IFT57: variants seen among roughly 807,000 people sequenced by gnomAD.
IFT57 encodes the protein intraflagellar transport 57.
Under a neutral mutation model 56.8 loss-of-function variants are expected in IFT57, and 59 were observed. That is an observed-to-expected ratio of 1.04 (90% CI 0.84 to 1.29). IFT57 has a LOEUF of 1.29. Ranked by LOEUF, IFT57 falls within the 50% of genes most tolerant of loss-of-function variation. The pLI is 0.00. For synonymous variants in IFT57, 209 were observed against 186.1 expected, an observed-to-expected ratio of 1.12 and a Z score of -1.00; for missense variants, 470 against 522.1, an observed-to-expected ratio of 0.90 and a Z score of 0.97.
At chr3:108,181,630 CA>C (rs2080151546) in intron 6 of IFT57, among the ~76,000 whole-genome samples, 1 of 152,078 alleles carries the variant, frequency 6.6e-6, no homozygotes, top group Non-Finnish European at 1.5e-5. Flanking sequence ...TTGATTATAG[CA>C]GGTGTTTCAA....
chr3:108,162,854 G>A (rs9860418), intron 10 of IFT57, among the ~76,000 whole-genome samples, 199 bp from the exon 11 acceptor site: 14,617 of 152,082 alleles, frequency 0.096, 752 homozygotes, highest in Middle Eastern at 0.12. Context: ...ATGATGTAGT[G>A]TTTGATGTAT....
intron 6 of IFT57, among the ~76,000 whole-genome samples, chr3:108,172,332 G>C (rs1185765358): frequency 6.6e-6 from 1 of 151,850 alleles, no homozygotes; most frequent in Non-Finnish European, 1.5e-5. Flanking sequence ...GATGGGCTGG[G>C]GAGGATGGAT....
At position 108,162,413 on chromosome 3, in the gene IFT57, GC is replaced by G. The variant is rs1159950885; in HGVS notation, c.*63del. Reference sequence around the variant, plus strand: ...CATAAAATTATGTTTTGAAATCTATGCAACATGAAATATAGTTTGATATAAA... The same window carrying G: ...CATAAAATTATGTTTTGAAATCTATGAACATGAAATATAGTTTGATATAAA... On this transcript the variant is annotated 3_prime_UTR_variant, in exon 11 of 11. Transcript: ENST00000264538. 1 of 1,308,120 alleles carries G rather than the reference GC, an allele frequency of 7.6e-7. No homozygotes were observed. The highest frequency in any genetic ancestry group is 1.5e-5 in the African/African-American group (1 of 67,436). 81.0% of individuals were successfully genotyped at this position (1,308,120 alleles called of 1,614,324 possible). A position where few individuals can be genotyped will look rare whatever the true frequency, so the allele number is the denominator to read the frequency against.
intron 5 of IFT57, among the ~76,000 whole-genome samples, chr3:108,206,083 AAAT>A (rs2080311391): frequency 7.6e-6 from 1 of 132,246 alleles, no homozygotes; most frequent in Non-Finnish European, 1.6e-5. Context: ...TATTATATAT[AAAT>A]AATATATATT....
At chr3:108,169,265 TG>T (rs1389964878) in intron 6 of IFT57, among the ~76,000 whole-genome samples, 1 of 152,092 alleles carries the variant, frequency 6.6e-6, no homozygotes, top group African/African-American at 2.4e-5. Flanking sequence ...TTTTATCATA[TG>T]TTTTTTGGCC....
Position 108,222,371 on chromosome 3 carries a change from G to A in IFT57, c.-49C>T, listed in dbSNP as rs759730218. The A allele has an allele frequency of 2.0e-6, 3 of 1,518,990 alleles. No homozygotes were observed. Among genetic ancestry groups the A allele is most frequent in the South Asian group, 1.3e-5 (1 of 77,378 alleles). 94.1% of individuals were successfully genotyped at this position (1,518,990 alleles called of 1,614,324 possible). A position where few individuals can be genotyped will look rare whatever the true frequency, so the allele number is the denominator to read the frequency against. ...TGGGCTCAGGCCCACAGACCTCTGCGGCCTAAGCCGCCAGCCCTGCCGCCG... is the reference window on the plus strand; with the variant it reads ...TGGGCTCAGGCCCACAGACCTCTGCAGCCTAAGCCGCCAGCCCTGCCGCCG... On this transcript the variant is annotated 5_prime_UTR_variant, in exon 1 of 11. Transcript: ENST00000264538.
intron 6 of IFT57, among the ~76,000 whole-genome samples, chr3:108,172,720 G>A (rs2080101406): frequency 6.6e-6 from 1 of 151,872 alleles, no homozygotes; most frequent in South Asian, 2.1e-4. Context: ...AAGTGAAGGT[G>A]GGGTAGTAGA....
At chr3:108,215,341 T>C (rs1319840535) in intron 3 of IFT57, among the ~76,000 whole-genome samples, 74 of 152,062 alleles carry the variant, frequency 4.9e-4, no homozygotes, top group Admixed American at 4.8e-3. Context: ...GCAGGTGGAC[T>C]GTCTGAGACC....
intron 10 of IFT57, among the ~76,000 whole-genome samples, chr3:108,163,179 A>G (rs984514116): frequency 6.6e-6 from 1 of 152,148 alleles, no homozygotes; most frequent in Non-Finnish European, 1.5e-5. Context: ...ACCTGCTCAC[A>G]ATGGAGGATG....
At chr3:108,218,384 T>C (rs1289761) in intron 3 of IFT57, 151 bp downstream of exon 3, 364,293 of 458,052 alleles carry the variant, frequency 0.8, 149,468 homozygotes, top group Non-Finnish European at 0.87. Flanking sequence ...TCTAATTTTG[T>C]CTATACTGGC....
intron 4 of IFT57, among the ~76,000 whole-genome samples, chr3:108,207,148 T>C (rs1440211429): frequency 6.6e-6 from 1 of 152,176 alleles, no homozygotes; most frequent in Non-Finnish European, 1.5e-5. Flanking sequence ...ACCAATCACA[T>C]TGATACATAT....
At chr3:108,201,701 T>C (rs1457974614) in intron 5 of IFT57, among the ~76,000 whole-genome samples, 2 of 152,174 alleles carry the variant, frequency 1.3e-5, no homozygotes, top group Admixed American at 6.5e-5. Flanking sequence ...GAACAGTTTT[T>C]TCTCCTAGAT....
intron 5 of IFT57, among the ~76,000 whole-genome samples, chr3:108,205,128 C>T (rs147911940): frequency 6.6e-6 from 1 of 152,064 alleles, no homozygotes; most frequent in Non-Finnish European, 1.5e-5. Flanking sequence ...TAGCTATCTC[C>T]GTTATCAAGG....
At chr3:108,173,766 C>CTGTGTGTGTGTGTGTGTGTGTG (rs59233165) in intron 6 of IFT57, among the ~76,000 whole-genome samples, 12 of 124,670 alleles carry the variant, frequency 9.6e-5, no homozygotes, top group Non-Finnish European at 1.2e-4. Flanking sequence ...GTCAGGGACT[C>CTGTGTGTGTGTGTGTGTGTGTG]TGTGTGTGTG....
At chr3:108,215,597 T>A (rs1236402892) in intron 3 of IFT57, among the ~76,000 whole-genome samples, 1 of 151,826 alleles carries the variant, frequency 6.6e-6, no homozygotes, top group Non-Finnish European at 1.5e-5. Flanking sequence ...CATTTACTAA[T>A]ATGCAAAATA....
chr3:108,187,670 G>A (rs1325719957), intron 6 of IFT57, among the ~76,000 whole-genome samples: 1 of 149,748 alleles, frequency 6.7e-6, no homozygotes, highest in East Asian at 2.0e-4. Context: ...AGAGAAAAAC[G>A]CAAAACACAT....
intron 4 of IFT57, among the ~76,000 whole-genome samples, chr3:108,212,956 C>G (rs1560127043): frequency 6.6e-6 from 1 of 152,080 alleles, no homozygotes; most frequent in Non-Finnish European, 1.5e-5. Flanking sequence ...CAAGACCAAC[C>G]CTTCCTCTTG....
At chr3:108,191,430 T>C in intron 6 of IFT57, 91 bp downstream of exon 6, 1 of 829,094 alleles carries the variant, frequency 1.2e-6, no homozygotes, top group Admixed American at 3.0e-5. Flanking sequence ...TGCCCTTCTT[T>C]AATAATTTTT....
intron 6 of IFT57, among the ~76,000 whole-genome samples, chr3:108,185,184 G>T (rs2080174678): frequency 6.6e-6 from 1 of 152,220 alleles, no homozygotes; most frequent in Admixed American, 6.5e-5. Context: ...TTTTATGTGG[G>T]TGTAGGATTT....
Sources: gnomAD v4.1 joint callset for allele counts (sites outside exome capture counted in the v4.1 genomes callset) on GRCh38, gnomAD v4.1.1 for gene constraint, MANE v1.5 for transcripts, NCBI Gene and HGNC (gene_info 2026-07-23, HGNC 2026-07-21) for gene names.